Variants in PHF21B observed in about 807,000 individuals in gnomAD.
PHF21B encodes the protein PHD finger protein 21B.
In PHF21B, 22 loss-of-function variants were observed where a neutral mutation model predicts 62.2. The observed-to-expected ratio is 0.35, with a 90% CI of 0.25 to 0.51. The LOEUF (loss-of-function observed/expected upper bound fraction) is 0.51. Among genes scored for constraint, PHF21B ranks in the 20% least tolerant of loss-of-function variants. The probability of loss-of-function intolerance (pLI) is 0.97; values close to 1 mark genes in which losing one functional copy is unlikely to be tolerated. For synonymous variants in PHF21B, 341 were observed against 314.7 expected (o/e 1.08, Z -0.88); for missense variants, 701 against 707.9 (o/e 0.99, Z 0.11).
chr22:44,935,290 A>G (rs2071822714), intron 2 of PHF21B, among the ~76,000 whole-genome samples: 1 of 152,172 alleles, frequency 6.6e-6, no homozygotes. Context: ...GGGAGAACTA[A>G]CGTTCACACA....
Position 44,885,891 on chromosome 22 carries a change from G to A in PHF21B, c.1245C>T (p.Ile415=), listed in dbSNP as rs1184659216. The A allele has an allele frequency of 6.2e-6, 10 of 1,613,988 alleles. No individual in the cohort carries two copies. Among genetic ancestry groups the A allele is most frequent in the South Asian group, 1.1e-5 (1 of 91,078 alleles). ...TCTTGTGGGTGACATAAGAGTGCAC[G>A]ATGGCCAGCATCCCAGTCCAGGGCA... is the stretch of plus-strand genomic sequence containing the variant. ...EGVPWTGMLA[I]VHSYVTHKTV... The change falls in exon 11 of 13, where the codon ATC becomes ATT. Residue 415 remains isoleucine (I), a synonymous_variant. Coordinates refer to ENST00000313237, the MANE Select transcript of PHF21B (RefSeq NM_138415.5).
At chr22:44,989,513 C>T (rs2073008514) in intron 2 of PHF21B, 1 of 151,796 alleles carries the variant, frequency 6.6e-6, no homozygotes, top group Non-Finnish European at 1.5e-5. Context: ...GGAAATCAGT[C>T]CCCTGCTCAC....
chr22:44,959,901 G>A (rs962102819), intron 2 of PHF21B, among the ~76,000 whole-genome samples: 6 of 152,192 alleles, frequency 3.9e-5, no homozygotes, highest in African/African-American at 1.2e-4. Context: ...TGAGCCAAAC[G>A]TGAGGCAGCA....
chr22:44,988,339 G>C (rs1267364234), intron 2 of PHF21B, among the ~76,000 whole-genome samples: 1 of 152,154 alleles, frequency 6.6e-6, no homozygotes, highest in Non-Finnish European at 1.5e-5. Context: ...GCATGGGCCT[G>C]TTGTCCTAGC....
At chr22:44,890,139 T>TGG (rs2147253004) in intron 8 of PHF21B, among the ~76,000 whole-genome samples, 1 of 152,114 alleles carries the variant, frequency 6.6e-6, no homozygotes, top group Non-Finnish European at 1.5e-5. Flanking sequence ...GTCTCACTCC[T>TGG]GGGCAGGATG....
At chr22:44,951,792 C>G (rs2072199868) in intron 2 of PHF21B, among the ~76,000 whole-genome samples, 1 of 152,120 alleles carries the variant, frequency 6.6e-6, no homozygotes, top group African/African-American at 2.4e-5. Flanking sequence ...GGGTCTGCAC[C>G]CAGGAGTGGA....
At chr22:44,897,274 G>C (rs955601900) in intron 5 of PHF21B, among the ~76,000 whole-genome samples, 1 of 152,086 alleles carries the variant, frequency 6.6e-6, no homozygotes, top group Non-Finnish European at 1.5e-5. Context: ...GTGGAAGGCA[G>C]AATCTAGAAT....
At chr22:45,006,660 T>C (rs571280340) in intron 2 of PHF21B, among the ~76,000 whole-genome samples, 1 of 152,284 alleles carries the variant, frequency 6.6e-6, no homozygotes, top group East Asian at 1.9e-4. Context: ...TCATTCCAAA[T>C]AGTAAAACTA....
At chr22:44,891,177 C>T in intron 8 of PHF21B, 129 bp downstream of exon 8, 1 of 1,007,202 alleles carries the variant, frequency 9.9e-7, no homozygotes. Context: ...GCATCCTCAC[C>T]TTCCTCTGCC....
rs8142668 is a variant in PHF21B, at chr22:44,885,190, G to C, written c.1377+236C>G. ...CTGCATCCACACCTGTGGTTCTAAGGACACATCTGCCTGTCCCCAGGCCCC... is the reference window on the plus strand; with the variant it reads ...CTGCATCCACACCTGTGGTTCTAAGCACACATCTGCCTGTCCCCAGGCCCC... On this transcript the variant is annotated intron_variant, in intron 12 of 12. Transcript: ENST00000313237. 0.3 allele frequency among the ~76,000 whole-genome samples: 45,909 copies of C among 152,150 alleles called. 8,518 individuals are homozygous for C. Among genetic ancestry groups the C allele is most frequent in the Non-Finnish European group, 0.41 (27,903 of 67,954 alleles).
At chr22:44,911,992 A>G (rs1464491015) in intron 5 of PHF21B, among the ~76,000 whole-genome samples, 1 of 152,260 alleles carries the variant, frequency 6.6e-6, no homozygotes, top group Non-Finnish European at 1.5e-5. Context: ...TTGAATCAGC[A>G]TGACCTGGAT....
chr22:45,007,702 CGAGCGCGGGGAAGGGGCGGG>C (rs1321347053), intron 2 of PHF21B, among the ~76,000 whole-genome samples: 2 of 32,206 alleles, frequency 6.2e-5, no homozygotes, highest in African/African-American at 1.6e-4. Flanking sequence ...GGCGGGTGTG[CGAGCGCGGGGAAGGGGCGGG>C]TGTGCGAGTG....
At chr22:44,905,984 G>A (rs2071242954) in intron 5 of PHF21B, among the ~76,000 whole-genome samples, 1 of 152,184 alleles carries the variant, frequency 6.6e-6, no homozygotes, top group African/African-American at 2.4e-5. Flanking sequence ...CACTTCCCTA[G>A]GTCTGGCTGT....
chr22:44,927,246 G>T (rs2071650800), intron 2 of PHF21B, among the ~76,000 whole-genome samples: 1 of 151,200 alleles, frequency 6.6e-6, no homozygotes, highest in Non-Finnish European at 1.5e-5. Context: ...ACACCCGCAG[G>T]AGGCCGGCAA....
At chr22:44,958,055 A>G (rs1410486395) in intron 2 of PHF21B, among the ~76,000 whole-genome samples, 2 of 152,016 alleles carry the variant, frequency 1.3e-5, no homozygotes, top group Non-Finnish European at 2.9e-5. Flanking sequence ...GGCATGTGCT[A>G]TCATGCCTGG....
At chr22:44,914,131 G>A (rs1052359700) in intron 4 of PHF21B, 43 bp from the exon 5 acceptor site, 4 of 605,076 alleles carry the variant, frequency 6.6e-6, no homozygotes, top group Non-Finnish European at 1.2e-5. Flanking sequence ...AGGGAAGAGT[G>A]AGGGGGGCTG....
intron 2 of PHF21B, among the ~76,000 whole-genome samples, chr22:44,987,611 A>ATGG (rs2072973933): frequency 1.3e-5 from 2 of 151,766 alleles, no homozygotes; most frequent in South Asian, 4.1e-4. Context: ...AAGAAATCCC[A>ATGG]TGGTCCTCTG....
intron 2 of PHF21B, among the ~76,000 whole-genome samples, chr22:44,971,844 G>A (rs946876746): frequency 1.6e-4 from 24 of 152,324 alleles, no homozygotes; most frequent in African/African-American, 4.8e-4. Context: ...AGCTCCTTAC[G>A]GACATGTCTG....
chr22:44,905,747 G>T (rs1229285488), intron 5 of PHF21B, among the ~76,000 whole-genome samples: 1 of 152,164 alleles, frequency 6.6e-6, no homozygotes. Context: ...TCCTGCCTCA[G>T]CCTCCTGAGT....
Sources: gnomAD v4.1 joint callset for allele counts (sites outside exome capture counted in the v4.1 genomes callset) on GRCh38, gnomAD v4.1.1 for gene constraint, MANE v1.5 for transcripts, NCBI Gene and HGNC (gene_info 2026-07-23, HGNC 2026-07-21) for gene names.